ERC1: variants seen among roughly 807,000 people sequenced by gnomAD.
ERC1 encodes the protein RAB6 interacting protein 2.
In ERC1, 56 loss-of-function variants were observed where a neutral mutation model predicts 132.0. The observed-to-expected ratio is 0.42, with a 90% CI of 0.34 to 0.53. ERC1 has a LOEUF of 0.53. ERC1 is among the 20% of genes least tolerant of loss of function. The pLI, the probability that ERC1 is intolerant of heterozygous loss-of-function variation, is 0.03. For synonymous variants in ERC1, 478 were observed against 476.1 expected (o/e 1.00, Z -0.05); for missense variants, 1,202 against 1,349.9 (o/e 0.89, Z 1.72).
chr12:1,367,798 A>G (rs2086802567), intron 15 of ERC1, among the ~76,000 whole-genome samples: 1 of 152,074 alleles, frequency 6.6e-6, no homozygotes. Flanking sequence ...CTGGCCTGGT[A>G]GTTTAAAGCA....
intron 15 of ERC1, among the ~76,000 whole-genome samples, chr12:1,313,578 C>A (rs534671318): frequency 1.3e-5 from 2 of 151,408 alleles, no homozygotes; most frequent in African/African-American, 2.4e-5. Flanking sequence ...AATCACCTCC[C>A]ATATGTAAAT....
At position 1,028,250 on chromosome 12, in the gene ERC1, G is replaced by A; in HGVS notation, c.347G>A (p.Ser116Asn). 1 of 1,614,104 alleles carries A rather than the reference G, an allele frequency of 6.2e-7. No homozygotes were observed. The highest frequency in any genetic ancestry group is 1.1e-5 in the South Asian group (1 of 91,072). Residue 116 changes from serine to asparagine, a missense_variant, in exon 2 of 19, where the codon AGT becomes AAT. Transcript: ENST00000360905. ...AMGSSPNIAS[S>N]GVASDTIAFG... Reference sequence around the variant, plus strand: ...GGTAGTAGCCCCAATATAGCTAGCAGTGGGGTTGCTAGTGACACCATAGCA... The same window carrying A: ...GGTAGTAGCCCCAATATAGCTAGCAATGGGGTTGCTAGTGACACCATAGCA...
chr12:1,202,877 C>G (rs544023273), intron 12 of ERC1, among the ~76,000 whole-genome samples: 28 of 152,296 alleles, frequency 1.8e-4, no homozygotes, highest in African/African-American at 6.7e-4. Context: ...TCCTGTGTCA[C>G]AACCAATGAG....
intron 14 of ERC1, among the ~76,000 whole-genome samples, chr12:1,281,886 G>A (rs902620829): frequency 3.3e-5 from 5 of 152,102 alleles, no homozygotes; most frequent in Non-Finnish European, 7.4e-5. Flanking sequence ...CATCAGTGAC[G>A]CAAGATACTG....
rs570470362 is a variant in ERC1, at chr12:1,352,759, G to A, written c.2781-19074G>A. Among the ~76,000 whole-genome samples, 130 of 152,228 alleles carry A rather than the reference G, an allele frequency of 8.5e-4. 2 individuals are homozygous for A. The highest frequency in any genetic ancestry group is 3.4e-3 in the Middle Eastern group (1 of 294). Reference sequence around the variant, plus strand: ...ATGTGTTTAATGAGAGATTGTTATCGGAGACTGTAGCACTTGTTTTACTTT... The same window carrying A: ...ATGTGTTTAATGAGAGATTGTTATCAGAGACTGTAGCACTTGTTTTACTTT... On this transcript the variant is annotated intron_variant, in intron 15 of 18. Coordinates refer to ENST00000360905, the MANE Select transcript of ERC1 (RefSeq NM_178040.4).
At chr12:1,243,333 G>A (rs1241349525) in intron 13 of ERC1, among the ~76,000 whole-genome samples, 1 of 152,148 alleles carries the variant, frequency 6.6e-6, no homozygotes, top group African/African-American at 2.4e-5. Context: ...TTCCAGGGGA[G>A]TGTTAGAACC....
At chr12:1,247,667 A>G (rs1262376797) in intron 13 of ERC1, among the ~76,000 whole-genome samples, 2 of 152,196 alleles carry the variant, frequency 1.3e-5, no homozygotes, top group Non-Finnish European at 2.9e-5. Context: ...ATGTTCTCAT[A>G]TTGTTGACTT....
At chr12:1,134,650 C>A (rs1949082561) in intron 7 of ERC1, among the ~76,000 whole-genome samples, 1 of 151,898 alleles carries the variant, frequency 6.6e-6, no homozygotes, top group Admixed American at 6.6e-5. Flanking sequence ...CCGCACCTGG[C>A]CCTAATTTTG....
chr12:1,440,600 T>TGTGTGTGTGTGTGTG (rs2093111721), intron 17 of ERC1, among the ~76,000 whole-genome samples: 1 of 51,114 alleles, frequency 2.0e-5, no homozygotes, highest in African/African-American at 8.7e-5. Flanking sequence ...CCTCAGCCTT[T>TGTGTGTGTGTGTGTG]TGTGTGTGTG....
chr12:1,167,398 T>C (rs1323582629), intron 8 of ERC1, among the ~76,000 whole-genome samples: 1 of 152,246 alleles, frequency 6.6e-6, no homozygotes, highest in East Asian at 1.9e-4. Context: ...CCCAGGTATC[T>C]GTCAACTCTA....
rs1942490142 is a variant in ERC1, at chr12:1,083,260, G to A, written c.766G>A (p.Glu256Lys). ...FQQDSSSRTG[E>K]PCVAELTEEN... ...GCAGGATAGTAGCAGCAGGACTGGC[G>A]AACCTTGTGTAGCAGAGCTGACAGA... is the stretch of plus-strand genomic sequence containing the variant. The change falls in exon 3 of 19, where the codon GAA (glutamate) becomes AAA (lysine). Residue 256 changes from glutamate (E) to lysine (K), a missense_variant. Coordinates refer to ENST00000360905, the MANE Select transcript of ERC1 (RefSeq NM_178040.4). 14 of 1,614,076 alleles carry A rather than the reference G, an allele frequency of 8.7e-6. No individual in the cohort carries two copies. Among genetic ancestry groups the A allele is most frequent in the South Asian group, 2.2e-5 (2 of 91,072 alleles).
At chr12:1,230,004 C>CTTTTTTT (rs754220477) in intron 12 of ERC1, among the ~76,000 whole-genome samples, 8 of 107,792 alleles carry the variant, frequency 7.4e-5, no homozygotes, top group East Asian at 2.5e-4. Context: ...CTTTTTGACT[C>CTTTTTTT]TTTTTTTTTT....
chr12:1,068,529 G>T (rs1231767325), intron 2 of ERC1, among the ~76,000 whole-genome samples: 1 of 151,828 alleles, frequency 6.6e-6, no homozygotes, highest in Non-Finnish European at 1.5e-5. Context: ...CTTTACTGAT[G>T]CTTAGCATTT....
chr12:1,007,767 G>A (rs917247933), intron 1 of ERC1, among the ~76,000 whole-genome samples: 5 of 150,506 alleles, frequency 3.3e-5, no homozygotes, highest in Non-Finnish European at 7.4e-5. Flanking sequence ...AGTTGCACTA[G>A]CCACACAAAT....
intron 2 of ERC1, among the ~76,000 whole-genome samples, chr12:1,030,255 A>G (rs1967762242): frequency 6.6e-6 from 1 of 152,186 alleles, no homozygotes; most frequent in Non-Finnish European, 1.5e-5. Flanking sequence ...GATTAGGTTA[A>G]TAAAAATTAT....
intron 12 of ERC1, among the ~76,000 whole-genome samples, chr12:1,200,456 C>T (rs572283238): frequency 2.1e-4 from 32 of 152,262 alleles, no homozygotes; most frequent in Admixed American, 1.8e-3. Flanking sequence ...GTAACTATCA[C>T]ATTCTGTCCT....
At chr12:1,423,341 T>A (rs945571251) in intron 17 of ERC1, among the ~76,000 whole-genome samples, 3 of 152,250 alleles carry the variant, frequency 2.0e-5, no homozygotes, top group Non-Finnish European at 4.4e-5. Context: ...GCTGCCTGAT[T>A]AACGAATTGT....
chr12:1,290,565 C>T (rs1177903928), intron 15 of ERC1, among the ~76,000 whole-genome samples: 3 of 152,178 alleles, frequency 2.0e-5, no homozygotes, highest in African/African-American at 7.2e-5. Context: ...AGACCATAAT[C>T]TGTTGTGAAG....
chr12:1,037,337 C>T (rs1969284755), intron 2 of ERC1, among the ~76,000 whole-genome samples: 1 of 152,120 alleles, frequency 6.6e-6, no homozygotes, highest in South Asian at 2.1e-4. Flanking sequence ...TTGCAGATAG[C>T]ATCTTAAATA....
Sources: gnomAD v4.1 joint callset for allele counts (sites outside exome capture counted in the v4.1 genomes callset) on GRCh38, gnomAD v4.1.1 for gene constraint, MANE v1.5 for transcripts, NCBI Gene and HGNC (gene_info 2026-07-23, HGNC 2026-07-21) for gene names.